The following SAFB2 variants were observed in gnomAD, a reference collection of about 807,000 sequenced individuals.
SAFB2 encodes the protein scaffold attachment factor B2.
A neutral mutation model predicts 100.6 loss-of-function variants in SAFB2; 32 were observed. The observed-to-expected ratio is 0.32, with a 90% CI of 0.24 to 0.43. The LOEUF (loss-of-function observed/expected upper bound fraction) is 0.43, where lower values mean the gene tolerates loss of function less well. SAFB2 is among the 20% of genes least tolerant of loss of function. The probability of loss-of-function intolerance (pLI) is 1.00; values close to 1 mark genes in which losing one functional copy is unlikely to be tolerated. For synonymous variants in SAFB2, 500 were observed against 439.4 expected, an observed-to-expected ratio of 1.14 and a Z score of -1.72; for missense variants, 1,185 against 1,163.4, an observed-to-expected ratio of 1.02 and a Z score of -0.27.
At chr19:5,591,317 T>C (rs1040521194) in intron 17 of SAFB2, 19 of 153,350 alleles carry the variant, frequency 1.2e-4, no homozygotes, top group Non-Finnish European at 2.7e-4. Context: ...TTGCTCTTGT[T>C]GCCCAGGCTG....
intron 9 of SAFB2, among the ~76,000 whole-genome samples, chr19:5,606,745 A>G (rs2052782430): frequency 6.6e-6 from 1 of 152,216 alleles, no homozygotes; most frequent in Admixed American, 6.5e-5. Flanking sequence ...TTCTATACCC[A>G]GTGAAAATTT....
At chr19:5,619,714 G>A (rs950785772) in intron 2 of SAFB2, among the ~76,000 whole-genome samples, 9 of 151,978 alleles carry the variant, frequency 5.9e-5, no homozygotes, top group Admixed American at 2.0e-4. Context: ...GCGTGGCGAC[G>A]GGCACCTGTA....
chr19:5,617,354 T>C lies in SAFB2; in HGVS notation c.275-868A>G, dbSNP rs141239258. The stretch of plus-strand genomic sequence containing the variant: ...GGTTTTGTGACCACAAAATAACTAT[T>C]TGATAGAATTCTGCTAGGAATTGCA... On this transcript the variant is annotated intron_variant, in intron 2 of 20. Coordinates refer to ENST00000252542, the MANE Select transcript of SAFB2 (RefSeq NM_014649.3). Among the ~76,000 whole-genome samples, 63 of 152,244 alleles carry C rather than the reference T, an allele frequency of 4.1e-4. No individual in the cohort carries two copies. In the East Asian group the frequency reaches 6.0e-3, roughly 14 times the overall value.
At position 5,612,575 on chromosome 19, in the gene SAFB2, AAAAAG is replaced by A. The variant is rs781288743; in HGVS notation, c.607-13_607-9del. Reference sequence around the variant, plus strand: ...AAGGGATTCTTCAATGTCCTATTTAAAAAAGAAAAAGCAAATCCACAAGTCACTTT... The same window carrying A: ...AAGGGATTCTTCAATGTCCTATTTAAAAAAAGCAAATCCACAAGTCACTTT... On this transcript the variant is annotated splice_polypyrimidine_tract_variant and intron_variant, in intron 5 of 20. Coordinates refer to ENST00000252542, the MANE Select transcript of SAFB2 (RefSeq NM_014649.3). 6.2e-7 allele frequency: 1 copy of A among 1,612,028 alleles called. No individual in the cohort carries two copies. The highest frequency in any genetic ancestry group is 1.1e-5 in the South Asian group (1 of 90,980).
intron 4 of SAFB2, 169 bp from the exon 5 acceptor site, chr19:5,613,696 C>T: frequency 2.0e-6 from 2 of 985,470 alleles, no homozygotes; most frequent in Non-Finnish European, 2.4e-6. Context: ...CCAGAACACA[C>T]ACTCCACGAC....
Position 5,594,088 on chromosome 19 carries a change from G to A in SAFB2, c.2010C>T (p.Leu670=), listed in dbSNP as rs779638026. The A allele has an allele frequency of 1.3e-6, 2 of 1,597,940 alleles. No homozygotes were observed. The highest frequency in any genetic ancestry group is 2.2e-5 in the South Asian group (2 of 89,836). The change falls in exon 15 of 21, where the codon CTC becomes CTT. Residue 670 remains leucine (L), a synonymous_variant. Transcript: ENST00000252542. ...GCTCCAGCCGCTGGCGCTGGCACTC[G>A]AGCTGCAGGCGTTCCCGCTGTAGCC... ...KARLQRERLQ[L]ECQRQRLERE...
rs768983642 is a variant in SAFB2, at chr19:5,590,257, G to A, written c.2525+21C>T. ...AGGTTAGGACAGATGCTCCCCACCC[G>A]GCTGGGGCTCACCCACTAACCTGGG... On this transcript the variant is annotated intron_variant, in intron 18 of 20. Transcript: ENST00000252542. 16 of 1,368,804 alleles carry A rather than the reference G, an allele frequency of 1.2e-5. No individual in the cohort carries two copies. In the African/African-American group the frequency reaches 1.9e-4, roughly 17 times the overall value. The allele number at this position is 1,368,804 out of a possible 1,614,324, so 84.8% of individuals were successfully genotyped here.
chr19:5,610,926 G>A (rs2052896078), intron 7 of SAFB2, 194 bp downstream of exon 7: 1 of 684,408 alleles, frequency 1.5e-6, no homozygotes, highest in Non-Finnish European at 2.4e-6. Flanking sequence ...ACACAACCAT[G>A]GTAGGTTGAG....
At position 5,621,320 on chromosome 19, in the gene SAFB2, C is replaced by G. The variant is rs763184804; in HGVS notation, c.263G>C (p.Arg88Thr). Residue 88 changes from arginine (R) to threonine (T), a missense_variant, in exon 2 of 21, where the codon AGA becomes ACA. Physicochemically the swap from Arg to Thr is moderately conservative, Grantham distance 71 (BLOSUM62 -1). Coordinates refer to ENST00000252542, the MANE Select transcript of SAFB2 (RefSeq NM_014649.3). ...CATATGTACAATACCTTTAACACAT[C>G]TCTTGGCTGACTTCTTGCTGGTGGC... ...LEATSKKSAK[R>T]CVKGLKMEEE... 4 of 1,611,136 alleles carry G rather than the reference C, an allele frequency of 2.5e-6. No homozygotes were observed. The highest frequency in any genetic ancestry group is 3.4e-6 in the Non-Finnish European group (4 of 1,177,286).
intron 11 of SAFB2, among the ~76,000 whole-genome samples, chr19:5,600,519 C>CA (rs2052633537): frequency 6.6e-6 from 1 of 152,206 alleles, no homozygotes; most frequent in African/African-American, 2.4e-5. Flanking sequence ...TCCAAAATGT[C>CA]AGACAGGCTA....
At position 5,606,904 on chromosome 19, in the gene SAFB2, A is replaced by G. The variant is rs181998524; in HGVS notation, c.1297-1968T>C. 8.0e-3 allele frequency among the ~76,000 whole-genome samples: 1,217 copies of G among 152,334 alleles called. 8 individuals carry two copies. Among genetic ancestry groups the G allele is most frequent in the Middle Eastern group, 0.017 (5 of 294 alleles). ...ATGGGAACTTGGATATACAACAAAAAGCAACGAAGAGCACCTGGTGAGGTG... is the reference window on the plus strand; with the variant it reads ...ATGGGAACTTGGATATACAACAAAAGGCAACGAAGAGCACCTGGTGAGGTG... On this transcript the variant is annotated intron_variant, in intron 9 of 20. Coordinates refer to ENST00000252542, the MANE Select transcript of SAFB2 (RefSeq NM_014649.3).
In SAFB2 at chr19:5,591,797, C is replaced by G; in HGVS notation, c.2349-4G>C. ...CATTGGCCTCGAACCCTCCCGCCTG[C>G]AAAAGGAAAAGATCCCGTTCAAACA... On this transcript the variant is annotated splice_region_variant and splice_polypyrimidine_tract_variant and intron_variant, in intron 16 of 20. Transcript: ENST00000252542. 2 of 1,614,030 alleles carry G rather than the reference C, an allele frequency of 1.2e-6. No individual in the cohort carries two copies. The highest frequency in any genetic ancestry group is 1.7e-6 in the Non-Finnish European group (2 of 1,179,990).
Position 5,604,237 on chromosome 19 carries a change from C to T in SAFB2, c.1559+346G>A, listed in dbSNP as rs577475295. Among the ~76,000 whole-genome samples the T allele has an allele frequency of 9.2e-5, 14 of 152,242 alleles. No individual in the cohort carries two copies. The East Asian group carries it at 1.9e-3, about 21-fold the overall frequency. On this transcript the variant is annotated intron_variant, in intron 11 of 20. Coordinates refer to ENST00000252542, the MANE Select transcript of SAFB2 (RefSeq NM_014649.3). ...ACCAGCCTTGGTAACATGGCGAAAC[C>T]GCGTCTCTATAAAAAGTAGCCTGGC...
chr19:5,619,089 A>G (rs1445076096), intron 2 of SAFB2, among the ~76,000 whole-genome samples: 1 of 152,218 alleles, frequency 6.6e-6, no homozygotes, highest in Non-Finnish European at 1.5e-5. Context: ...ACACTGCTGC[A>G]TAGTGCTTGA....
In SAFB2 at chr19:5,587,944, T is replaced by A; in HGVS notation, c.2562A>T (p.Leu854=). 6.2e-7 allele frequency: 1 copy of A among 1,612,958 alleles called. No homozygotes were observed. The highest frequency in any genetic ancestry group is 8.5e-7 in the Non-Finnish European group (1 of 1,179,898). ...GRDWGEHNQR[L]EEHQARAWQG... ...GCCAGGCGCGTGCCTGGTGCTCCTC[T>A]AGCCGCTGGTTGTGCTCTCCCCAGT... Residue 854 remains leucine, a synonymous_variant, in exon 19 of 21, where the codon CTA becomes CTT. Transcript: ENST00000252542. The surrounding 1 kb of genome is among the most constrained non-coding windows in gnomAD (Gnocchi z 4.9).
Position 5,621,376 on chromosome 19 carries a change from T to G in SAFB2, c.207A>C (p.Gln69His). The G allele has an allele frequency of 6.2e-7, 1 of 1,613,300 alleles. No individual in the cohort carries two copies. Among genetic ancestry groups the G allele is most frequent in the Non-Finnish European group, 8.5e-7 (1 of 1,179,208 alleles). Reference sequence around the variant, plus strand: ...ACTCGATGCCAATTTCATCAGGATCTTGCCCCTCTTCTTTAACCGCCTATT... The same window carrying G: ...ACTCGATGCCAATTTCATCAGGATCGTGCCCCTCTTCTTTAACCGCCTATT... The part of the protein sequence containing the change: ...RLKKAVKEEG[Q>H]DPDEIGIELE... Residue 69 changes from glutamine to histidine, a missense_variant, in exon 2 of 21, where the codon CAA becomes CAC. By Grantham distance (24) the Gln-to-His change is conservative (BLOSUM62 0). Coordinates refer to ENST00000252542, the MANE Select transcript of SAFB2 (RefSeq NM_014649.3).
At position 5,587,742 on chromosome 19, in the gene SAFB2, G is replaced by A. The variant is rs199869196; in HGVS notation, c.2664C>T (p.Pro888=). The A allele has an allele frequency of 8.4e-6, 13 of 1,552,574 alleles. No individual in the cohort carries two copies. In the East Asian group the frequency reaches 1.5e-4, roughly 17 times the overall value. ...WQGGERGLSG[P]SGPGHMASRG... is the part of the protein sequence containing the mutation. The stretch of plus-strand genomic sequence containing the variant: ...GGCTTGCCATGTGCCCCGGCCCCGA[G>A]GGCCCAGACAGGCCCCTCTCGCCAC... The change falls in exon 20 of 21, where the codon CCC becomes CCT. Residue 888 remains proline (P), a synonymous_variant. Coordinates refer to ENST00000252542, the MANE Select transcript of SAFB2 (RefSeq NM_014649.3). This position sits in a 1 kb window ranked among gnomAD's most constrained non-coding sequence, Gnocchi z 4.9.
At position 5,608,692 on chromosome 19, in the gene SAFB2, C is replaced by A. The variant is rs567723116; in HGVS notation, c.1296+1303G>T. On this transcript the variant is annotated intron_variant, in intron 9 of 20. Coordinates refer to ENST00000252542, the MANE Select transcript of SAFB2 (RefSeq NM_014649.3). ...CCCTCCAGACACTAAATGGTCCGAACCTTGTCCCTTGGAAGCCACTCCCCA... is the reference window on the plus strand; with the variant it reads ...CCCTCCAGACACTAAATGGTCCGAAACTTGTCCCTTGGAAGCCACTCCCCA... 2.5e-4 allele frequency among the ~76,000 whole-genome samples: 38 copies of A among 152,310 alleles called. No homozygotes were observed. The South Asian group carries it at 5.6e-3, about 22-fold the overall frequency.
intron 9 of SAFB2, among the ~76,000 whole-genome samples, chr19:5,608,381 G>A (rs1000661968): frequency 6.6e-6 from 1 of 152,156 alleles, no homozygotes; most frequent in Non-Finnish European, 1.5e-5. Context: ...TGATGACAGT[G>A]ACCACGTATG....
Sources: gnomAD v4.1 joint callset for allele counts (sites outside exome capture counted in the v4.1 genomes callset) on GRCh38, gnomAD v4.1.1 for gene constraint, Gnocchi (gnomAD v3.1) non-coding constraint, MANE v1.5 for transcripts, NCBI Gene and HGNC (gene_info 2026-07-23, HGNC 2026-07-21) for gene names.